Variants in GSDMD observed in about 807,000 individuals in gnomAD.
GSDMD encodes the protein gasdermin-D.
In GSDMD, 46 loss-of-function variants were observed where a neutral mutation model predicts 46.7. That is an observed-to-expected ratio of 0.99 (90% CI 0.78 to 1.26). GSDMD has a LOEUF of 1.26. Among genes scored for constraint, GSDMD ranks in the 50% most tolerant of loss-of-function variants. GSDMD has a pLI of 0.00. For synonymous variants in GSDMD, 307 were observed against 283.1 expected (o/e 1.08, Z -0.85); for missense variants, 649 against 638.8 (o/e 1.02, Z -0.17).
At chr8:143,558,234 GC>G, upstream of GSDMD, 1 of 1,295,276 alleles carries the variant, frequency 7.7e-7, no homozygotes. Context: ...CTCCGGACGC[GC>G]GAGGCTGGTG....
In GSDMD at chr8:143,562,649, C is replaced by T. The variant is rs1291951490; in HGVS notation, c.1213-13C>T. 1.9e-6 allele frequency: 3 copies of T among 1,606,016 alleles called. No individual in the cohort carries two copies. Among genetic ancestry groups the T allele is most frequent in the Non-Finnish European group, 2.5e-6 (3 of 1,177,880 alleles). ...ATTTCCCCATCTGACTCACTCCTGCCCTGTCTTGGCAGGTGGGCAGCCTCT... is the reference window on the plus strand; with the variant it reads ...ATTTCCCCATCTGACTCACTCCTGCTCTGTCTTGGCAGGTGGGCAGCCTCT... On this transcript the variant is annotated splice_polypyrimidine_tract_variant and intron_variant, in intron 10 of 10. Coordinates refer to ENST00000262580, the MANE Select transcript of GSDMD (RefSeq NM_024736.7).
At chr8:143,556,820 A>C (rs906737804), upstream of GSDMD, among the ~76,000 whole-genome samples, 8 of 152,244 alleles carry the variant, frequency 5.3e-5, no homozygotes, top group African/African-American at 1.9e-4. Flanking sequence ...TGGGCACTAG[A>C]TTTTTAAAAT....
In GSDMD at chr8:143,562,689, C is replaced by T. The variant is rs1295876362; in HGVS notation, c.1240C>T (p.Pro414Ser). ...GGGCAGCCTCTTGGAGCAGAGTGCCCCGTGGCAGGAGCGCAGCACCATGTC... is the reference window on the plus strand; with the variant it reads ...GGGCAGCCTCTTGGAGCAGAGTGCCTCGTGGCAGGAGCGCAGCACCATGTC... ...LVGSLLEQSA[P>S]WQERSTMSLP... Residue 414 changes from proline to serine, a missense_variant, in exon 11 of 11, where the codon CCG becomes TCG. Pro to Ser is a moderately conservative substitution (Grantham distance 74, BLOSUM62 -1). Transcript: ENST00000262580. 1 of 1,604,734 alleles carries T rather than the reference C, an allele frequency of 6.2e-7. No homozygotes were observed. Among genetic ancestry groups the T allele is most frequent in the South Asian group, 1.1e-5 (1 of 89,848 alleles).
intron 5 of GSDMD, 47 bp downstream of exon 5, chr8:143,561,151 A>G (rs12541790): frequency 0.8 from 1,242,299 of 1,559,864 alleles, 496,343 homozygotes; most frequent in East Asian, 0.97. Context: ...TGGCAGAGAA[A>G]CAGGGAGGCC....
In GSDMD at chr8:143,561,086, G is replaced by C. The variant is rs754167925; in HGVS notation, c.664G>C (p.Val222Leu). 6.2e-7 allele frequency: 1 copy of C among 1,613,188 alleles called. No individual in the cohort carries two copies. Among genetic ancestry groups the C allele is most frequent in the African/African-American group, 1.3e-5 (1 of 75,070 alleles). ...CCTCGCATTCCGGGTGGCCCAGCTG[G>C]TTATTGACTCTGACTTGGGTGAGCT... ...STLAFRVAQL[V>L]IDSDLDVLLF... The change falls in exon 5 of 11, where the codon GTT becomes CTT. Residue 222 changes from valine to leucine, a missense_variant. Coordinates refer to ENST00000262580, the MANE Select transcript of GSDMD (RefSeq NM_024736.7).
intron 5 of GSDMD, 103 bp downstream of exon 5, chr8:143,561,207 G>A (rs1823452617): frequency 7.8e-7 from 1 of 1,276,440 alleles, no homozygotes; most frequent in Non-Finnish European, 1.1e-6. Context: ...GCCCCTGGCT[G>A]AACAACGTCC....
At chr8:143,558,623 G>A in intron 1 of GSDMD, 172 bp downstream of exon 1, 2 of 653,076 alleles carry the variant, frequency 3.1e-6, no homozygotes, top group Non-Finnish European at 4.9e-6. Context: ...CCCCTGGCCA[G>A]CCCAGGGGCC....
At chr8:143,560,872 G>T in intron 4 of GSDMD, 101 bp downstream of exon 4, 1 of 1,439,108 alleles carries the variant, frequency 6.9e-7, no homozygotes, top group Non-Finnish European at 9.3e-7. Flanking sequence ...CCTCGGAGCA[G>T]CTCCCAGCCC....
At chr8:143,561,852 G>A (rs772682032) in intron 7 of GSDMD, 24 bp downstream of exon 7, 14 of 1,610,312 alleles carry the variant, frequency 8.7e-6, no homozygotes, top group South Asian at 4.4e-5. Flanking sequence ...TGACCGCCCC[G>A]GGGACCTTTG....
Position 143,559,477 on chromosome 8 carries a change from T to A in GSDMD, c.142T>A (p.Trp48Arg), listed in dbSNP as rs1274691515. Residue 48 changes from tryptophan to arginine, a missense_variant, in exon 2 of 11, where the codon TGG (tryptophan) becomes AGG (arginine). Physicochemically the swap from Trp to Arg is moderately radical, Grantham distance 101. Coordinates refer to ENST00000262580, the MANE Select transcript of GSDMD (RefSeq NM_024736.7). ...GGTGGTTAGGAAGCCCTCAAGCTCA[T>A]GGTTCTGGAAACCCCGTTATAAGTG... is the stretch of plus-strand genomic sequence containing the variant. The part of the protein sequence containing the change: ...CLVVRKPSSS[W>R]FWKPRYKCVN... 3 of 1,612,946 alleles carry A rather than the reference T, an allele frequency of 1.9e-6. No individual in the cohort carries two copies. The Admixed American group carries it at 5.0e-5, about 27-fold the overall frequency.
Position 143,562,736 on chromosome 8 carries a change from G to A in GSDMD, c.1287G>A (p.Gly429=). The A allele has an allele frequency of 6.3e-7, 1 of 1,588,214 alleles. No homozygotes were observed. Among genetic ancestry groups the A allele is most frequent in the Non-Finnish European group, 8.6e-7 (1 of 1,167,422 alleles). The change falls in exon 11 of 11, where the codon GGG becomes GGA. Residue 429 remains glycine, a synonymous_variant. Transcript: ENST00000262580. ...STMSLPPGLL[G]NSWGEGAPAW... The stretch of plus-strand genomic sequence containing the variant: ...TGTCCCTGCCCCCCGGGCTCCTGGG[G>A]AACAGCTGGGGCGAAGGAGCACCGG...
chr8:143,559,718 G>T (rs1823402462), intron 2 of GSDMD, 59 bp from the exon 3 acceptor site: 1 of 1,524,064 alleles, frequency 6.6e-7, no homozygotes, highest in Non-Finnish European at 8.9e-7. Context: ...GGACAGGGCT[G>T]GTGGGGGCGG....
rs770189618 is a variant in GSDMD, at chr8:143,562,958, C to T, written c.*54C>T. On this transcript the variant is annotated 3_prime_UTR_variant, in exon 11 of 11. Transcript: ENST00000262580. ...TCCAGCAGGGCAGAGTGTTTGCCCA[C>T]CAGCTGCTAGCCCTAGGAAGGCCAG... 1.7e-5 allele frequency: 27 copies of T among 1,605,084 alleles called. No homozygotes were observed. In the African/African-American group the frequency reaches 3.1e-4, roughly 18 times the overall value.
upstream of GSDMD, chr8:143,557,903 G>A (rs928350447): frequency 3.6e-5 from 16 of 445,180 alleles, no homozygotes; most frequent in Non-Finnish European, 6.7e-5. Flanking sequence ...TTGTTTGCTT[G>A]TTTGTTTTTG....
chr8:143,558,635 G>C, intron 1 of GSDMD, 184 bp downstream of exon 1: 1 of 622,946 alleles, frequency 1.6e-6, no homozygotes, highest in Non-Finnish European at 2.7e-6. Context: ...CCAGGGGCCC[G>C]GCCTTTGGAC....
At position 143,562,928 on chromosome 8, in the gene GSDMD, A is replaced by G. The variant is rs771407052; in HGVS notation, c.*24A>G. The G allele has an allele frequency of 5.0e-6, 8 of 1,611,056 alleles. No homozygotes were observed. The Admixed American group carries it at 1.3e-4, about 27-fold the overall frequency. On this transcript the variant is annotated 3_prime_UTR_variant, in exon 11 of 11. Coordinates refer to ENST00000262580, the MANE Select transcript of GSDMD (RefSeq NM_024736.7). Reference sequence around the variant, plus strand: ...AGCCTGTGCCCGGGCATGGCCTGGCAGCTCTCCAGCAGGGCAGAGTGTTTG... The same window carrying G: ...AGCCTGTGCCCGGGCATGGCCTGGCGGCTCTCCAGCAGGGCAGAGTGTTTG...
upstream of GSDMD, among the ~76,000 whole-genome samples, chr8:143,557,396 G>T (rs1234151920): frequency 3.2e-5 from 4 of 125,700 alleles, no homozygotes; most frequent in Admixed American, 8.9e-5. Flanking sequence ...TGATGCCGCT[G>T]TGACGACAGC....
Position 143,561,355 on chromosome 8 carries a change from C to T in GSDMD, c.683-15C>T. 1.9e-6 allele frequency: 3 copies of T among 1,597,792 alleles called. No homozygotes were observed. Among genetic ancestry groups the T allele is most frequent in the Non-Finnish European group, 2.6e-6 (3 of 1,171,754 alleles). ...GTGACATGCCTGTCCCTGTCTGCTC[C>T]CGTCTGGCTGCCAGACGTCCTTCTC... On this transcript the variant is annotated splice_polypyrimidine_tract_variant and intron_variant, in intron 5 of 10. Coordinates refer to ENST00000262580, the MANE Select transcript of GSDMD (RefSeq NM_024736.7).
chr8:143,561,385 C>T lies in GSDMD; in HGVS notation c.698C>T (p.Pro233Leu), dbSNP rs138833870. Residue 233 changes from proline to leucine, a missense_variant, in exon 6 of 11, where the codon CCG becomes CTG. By Grantham distance (98) the Pro-to-Leu change is moderately conservative. Coordinates refer to ENST00000262580, the MANE Select transcript of GSDMD (RefSeq NM_024736.7). ...IDSDLDVLLF[P>L]DKKQRTFQPP... Reference sequence around the variant, plus strand: ...TGGCTGCCAGACGTCCTTCTCTTCCCGGATAAGAAGCAGAGGACCTTCCAG... The same window carrying T: ...TGGCTGCCAGACGTCCTTCTCTTCCTGGATAAGAAGCAGAGGACCTTCCAG... The T allele has an allele frequency of 3.1e-5, 50 of 1,610,518 alleles. No individual in the cohort carries two copies. Among genetic ancestry groups the T allele is most frequent in the Middle Eastern group, 3.3e-4 (2 of 6,076 alleles).
Sources: allele counts gnomAD v4.1 joint callset (sites outside exome capture counted in the v4.1 genomes callset), GRCh38; gene constraint gnomAD v4.1.1; transcripts MANE v1.5; gene names NCBI Gene and HGNC (gene_info 2026-07-23, HGNC 2026-07-21).